The following TOM1 variants were observed in gnomAD, a reference collection of about 807,000 sequenced individuals.
TOM1 encodes the protein target of myb1 membrane trafficking protein.
In TOM1, 38 loss-of-function variants were observed where a neutral mutation model predicts 61.3. That is an observed-to-expected ratio of 0.62 (90% CI 0.48 to 0.81). The LOEUF (loss-of-function observed/expected upper bound fraction) is 0.81, where lower values mean the gene tolerates loss of function less well. Among genes scored for constraint, TOM1 ranks in the 40% least tolerant of loss-of-function variants. The probability of loss-of-function intolerance (pLI) is 0.00; values close to 1 mark genes in which losing one functional copy is unlikely to be tolerated. For missense variants in TOM1, 591 were observed against 659.6 expected, an observed-to-expected ratio of 0.90 and a Z score of 1.14; for synonymous variants, 270 against 268.8, an observed-to-expected ratio of 1.00 and a Z score of -0.04.
chr22:35,309,297 G>C (rs1382801546), intron 1 of TOM1, among the ~76,000 whole-genome samples: 1 of 152,130 alleles, frequency 6.6e-6, no homozygotes, highest in Non-Finnish European at 1.5e-5. Context: ...GGCAGGATTT[G>C]TCTGTGTCTG....
intron 7 of TOM1, among the ~76,000 whole-genome samples, chr22:35,328,262 AAG>A (rs1273080656): frequency 2.0e-5 from 3 of 152,280 alleles, no homozygotes; most frequent in Middle Eastern, 3.4e-3. Context: ...AGGGCTCCGA[AAG>A]AGAGAAGACT....
intron 1 of TOM1, among the ~76,000 whole-genome samples, chr22:35,310,663 T>A (rs1926743265): frequency 6.6e-6 from 1 of 152,224 alleles, no homozygotes; most frequent in Non-Finnish European, 1.5e-5. Context: ...TCATTTACAC[T>A]GTTATAAAGG....
At chr22:35,322,983 C>T (rs372092119) in intron 3 of TOM1, 45 bp from the exon 4 acceptor site, 2 of 1,605,560 alleles carry the variant, frequency 1.2e-6, no homozygotes, top group African/African-American at 2.7e-5. Context: ...TGAGCACCTC[C>T]TCTCCTCTGA....
Position 35,346,356 on chromosome 22 carries a change from A to T in TOM1, c.1284+572A>T, listed in dbSNP as rs8136060. 2.2e-4 allele frequency among the ~76,000 whole-genome samples: 34 copies of T among 152,366 alleles called. No homozygotes were observed. In the East Asian group the frequency reaches 3.9e-3, roughly 17 times the overall value. On this transcript the variant is annotated intron_variant, in intron 13 of 14. Transcript: ENST00000449058. ...CCCGTCTCTGGGCACCAAGGCCCAC[A>T]TGGGCACTTCAGGCCCAGAAGCCGC...
At chr22:35,300,115 C>G (rs919350270) in intron 1 of TOM1, 135 bp downstream of exon 1, 1 of 979,634 alleles carries the variant, frequency 1.0e-6, no homozygotes, top group Non-Finnish European at 1.5e-6. Flanking sequence ...CGACCTGGCT[C>G]CGCCCAGCTT....
intron 1 of TOM1, among the ~76,000 whole-genome samples, chr22:35,313,765 G>A (rs1373551340): frequency 6.6e-6 from 1 of 152,248 alleles, no homozygotes; most frequent in Admixed American, 6.5e-5. Flanking sequence ...ACAGACTGCT[G>A]TAAGGACGCA....
In TOM1 at chr22:35,347,052, TAGAATTTGACAAATTCCTGGA is replaced by T; in HGVS notation, c.1327_1347del (p.Phe443_Glu449del). 1 of 1,532,442 alleles carries T rather than the reference TAGAATTTGACAAATTCCTGGA, an allele frequency of 6.5e-7. No homozygotes were observed. The highest frequency in any genetic ancestry group is 8.9e-7 in the Non-Finnish European group (1 of 1,127,486). The allele number at this position is 1,532,442 out of a possible 1,614,324, so 94.9% of individuals were successfully genotyped here. A position where few individuals can be genotyped will look rare whatever the true frequency, so the allele number is the denominator to read the frequency against. ...CTACCCTCACCCTCTCCCCTTCCTC[TAGAATTTGACAAATTCCTGGA>T]AGAACGGGCCAAAGCCGCGGACCGA... On this transcript the variant is annotated splice_acceptor_variant and coding_sequence_variant, in exon 15 of 15. Transcript: ENST00000449058. LOFTEE classifies it high-confidence loss of function.
chr22:35,301,069 A>G (rs992631953), intron 1 of TOM1, among the ~76,000 whole-genome samples: 6 of 136,744 alleles, frequency 4.4e-5, no homozygotes, highest in African/African-American at 1.5e-4. Context: ...AAAAAAAAAA[A>G]TACAGAAATT....
At position 35,347,294 on chromosome 22, in the gene TOM1, G is replaced by A; in HGVS notation, c.*85G>A. 1.4e-6 allele frequency: 2 copies of A among 1,427,676 alleles called. No homozygotes were observed. Among genetic ancestry groups the A allele is most frequent in the Non-Finnish European group, 1.9e-6 (2 of 1,063,970 alleles). The allele number at this position is 1,427,676 out of a possible 1,614,324, so 88.4% of individuals were successfully genotyped here. A position where few individuals can be genotyped will look rare whatever the true frequency, so the allele number is the denominator to read the frequency against. ...ACCTCCCTCCCTCCTCTGGTGTTAAGGCTGCTTTGGGGGTGGCTTGTTACC... is the reference window on the plus strand; with the variant it reads ...ACCTCCCTCCCTCCTCTGGTGTTAAAGCTGCTTTGGGGGTGGCTTGTTACC... On this transcript the variant is annotated 3_prime_UTR_variant, in exon 15 of 15. Transcript: ENST00000449058.
intron 10 of TOM1, among the ~76,000 whole-genome samples, chr22:35,333,915 T>C (rs769712479): frequency 1.6e-4 from 24 of 152,224 alleles, no homozygotes; most frequent in Non-Finnish European, 2.6e-4. Context: ...TTGTCACTGT[T>C]ATCACTGTGA....
At chr22:35,343,439 C>A (rs544076712) in intron 12 of TOM1, among the ~76,000 whole-genome samples, 75 of 104,126 alleles carry the variant, frequency 7.2e-4, no homozygotes, top group Admixed American at 5.3e-3. Context: ...ATATCTACAC[C>A]CACCACACAC....
intron 1 of TOM1, among the ~76,000 whole-genome samples, chr22:35,315,673 C>T (rs183305524): frequency 2.0e-5 from 3 of 152,314 alleles, no homozygotes; most frequent in East Asian, 1.9e-4. Flanking sequence ...CCCTGGCATC[C>T]GTCTGGCTCA....
intron 1 of TOM1, among the ~76,000 whole-genome samples, chr22:35,310,797 G>A (rs943698799): frequency 3.3e-5 from 5 of 152,136 alleles, no homozygotes; most frequent in African/African-American, 9.7e-5. Context: ...AGCTATAACC[G>A]CCACCCTTAA....
At chr22:35,343,714 C>CA (rs1930214431) in intron 12 of TOM1, among the ~76,000 whole-genome samples, 1 of 145,526 alleles carries the variant, frequency 6.9e-6, no homozygotes, top group Admixed American at 6.8e-5. Context: ...TACACACACA[C>CA]CACACACACA....
chr22:35,306,424 A>G (rs1460159906), intron 1 of TOM1, among the ~76,000 whole-genome samples: 3 of 152,104 alleles, frequency 2.0e-5, no homozygotes, highest in Non-Finnish European at 4.4e-5. Flanking sequence ...CCCACATTAG[A>G]TCCCCAAGTT....
At chr22:35,304,292 G>A (rs1203450908) in intron 1 of TOM1, among the ~76,000 whole-genome samples, 1 of 152,118 alleles carries the variant, frequency 6.6e-6, no homozygotes, top group African/African-American at 2.4e-5. Flanking sequence ...CATGTACATG[G>A]GTCTCACACT....
At chr22:35,345,449 T>C in intron 12 of TOM1, 1 of 541,346 alleles carries the variant, frequency 1.8e-6, no homozygotes, top group Non-Finnish European at 3.3e-6. Flanking sequence ...GAAGGGTGTG[T>C]CGGAACTGGG....
intron 8 of TOM1, among the ~76,000 whole-genome samples, chr22:35,332,179 TCTC>T (rs1164270313): frequency 2.0e-5 from 3 of 152,140 alleles, no homozygotes; most frequent in Non-Finnish European, 4.4e-5. Flanking sequence ...CTGCCTAGCT[TCTC>T]CTGCTCGTTG....
chr22:35,333,237 T>A, intron 9 of TOM1, 167 bp from the exon 10 acceptor site: 1 of 791,798 alleles, frequency 1.3e-6, no homozygotes, highest in Non-Finnish European at 2.1e-6. Context: ...GGGAGTCCAG[T>A]TGAGCTGGAG....
Sources: gnomAD v4.1 joint callset for allele counts (sites outside exome capture counted in the v4.1 genomes callset) on GRCh38, gnomAD v4.1.1 for gene constraint, MANE v1.5 for transcripts, NCBI Gene and HGNC (gene_info 2026-07-23, HGNC 2026-07-21) for gene names.